The following MMEL1 variants were observed in gnomAD, a reference collection of about 807,000 sequenced individuals.
MMEL1 encodes the protein membrane metallo-endopeptidase-like 1.
A neutral mutation model predicts 117.1 loss-of-function variants in MMEL1; 98 were observed. That is an observed-to-expected ratio of 0.84 (90% confidence interval 0.71 to 0.99). The LOEUF is 0.99. Among genes scored for constraint, MMEL1 ranks in the 50% least tolerant of loss-of-function variants. The pLI, the probability that MMEL1 is intolerant of heterozygous loss-of-function variation, is 0.00. For synonymous variants in MMEL1, 390 were observed against 415.1 expected, an observed-to-expected ratio of 0.94 and a Z score of 0.74; for missense variants, 1,014 against 1,049.1, an observed-to-expected ratio of 0.97 and a Z score of 0.46.
chr1:2,620,990 T>TCA (rs1645281006), intron 2 of MMEL1, among the ~76,000 whole-genome samples: 1 of 152,120 alleles, frequency 6.6e-6, no homozygotes. Context: ...GCATTCACCT[T>TCA]AAAACAGAGA....
chr1:2,607,240 C>T (rs1325258078), intron 6 of MMEL1, among the ~76,000 whole-genome samples, 171 bp from the exon 7 acceptor site: 1 of 152,264 alleles, frequency 6.6e-6, no homozygotes, highest in Admixed American at 6.5e-5. Flanking sequence ...CCTCCCGTCA[C>T]AGGTCAGCAT....
intron 11 of MMEL1, 122 bp downstream of exon 11, chr1:2,603,762 C>T (rs140888497): frequency 3.0e-5 from 25 of 841,856 alleles, no homozygotes; most frequent in African/African-American, 1.7e-4. Flanking sequence ...TCTCCCTGCT[C>T]GGGGATGGGG....
chr1:2,598,206 C>A lies in MMEL1; in HGVS notation c.1272+1G>T. On this transcript the variant is annotated splice_donor_variant, in intron 13 of 23. Transcript: ENST00000378412. LOFTEE classifies it high-confidence loss of function. ...AGGCTCTGGGCAGGGAAGGGGCTCA[C>A]CTTGCGGTAGTTCACTCGTGTGTCC... The A allele has an allele frequency of 1.2e-6, 2 of 1,613,842 alleles. No homozygotes were observed. The highest frequency in any genetic ancestry group is 1.7e-6 in the Non-Finnish European group (2 of 1,179,838).
chr1:2,590,690 A>G lies in MMEL1; in HGVS notation c.*300T>C. 2.8e-6 allele frequency: 1 copy of G among 358,998 alleles called. No individual in the cohort carries two copies. Among genetic ancestry groups the G allele is most frequent in the Non-Finnish European group, 5.0e-6 (1 of 200,386 alleles). 22.2% of individuals were successfully genotyped at this position (358,998 alleles called of 1,614,324 possible). ...AGTCTGAAGCTGTAGATACTGGAAGACAATGCACCTTGGAGGGTGGGCAGG... is the reference window on the plus strand; with the variant it reads ...AGTCTGAAGCTGTAGATACTGGAAGGCAATGCACCTTGGAGGGTGGGCAGG... On this transcript the variant is annotated 3_prime_UTR_variant, in exon 24 of 24. Coordinates refer to ENST00000378412, the MANE Select transcript of MMEL1 (RefSeq NM_033467.4).
In MMEL1 at chr1:2,596,663, C is replaced by G; in HGVS notation, c.1299G>C (p.Glu433Asp). 6.2e-7 allele frequency: 1 copy of G among 1,612,998 alleles called. No homozygotes were observed. Among genetic ancestry groups the G allele is most frequent in the Non-Finnish European group, 8.5e-7 (1 of 1,179,804 alleles). Residue 433 changes from glutamate to aspartate, a missense_variant, in exon 14 of 24, where the codon GAG (glutamate) becomes GAC (aspartate). Transcript: ENST00000378412. ...RKALFGTMVEEVRWRECVGYV... is the reference protein window; with the variant it reads ...RKALFGTMVEDVRWRECVGYV... Reference sequence around the variant, plus strand: ...AGCCCACACATTCACGCCAGCGCACCTCCTCCACCATTGTGCCAAACAGCG... The same window carrying G: ...AGCCCACACATTCACGCCAGCGCACGTCCTCCACCATTGTGCCAAACAGCG...
At chr1:2,600,021 G>A (rs979449560) in intron 11 of MMEL1, among the ~76,000 whole-genome samples, 3 of 152,108 alleles carry the variant, frequency 2.0e-5, no homozygotes, top group African/African-American at 4.8e-5. Flanking sequence ...AGGTTCAAGT[G>A]CAGCAGTGCA....
intron 2 of MMEL1, 42 bp downstream of exon 2, chr1:2,629,276 GGCGAGCGCGGAGA>G: frequency 6.7e-7 from 1 of 1,491,194 alleles, no homozygotes; most frequent in Non-Finnish European, 8.9e-7. Context: ...GGTGCAGCGG[GGCGAGCGCGGAGA>G]GCGGGCACGG....
chr1:2,610,533 G>C (rs182613562), intron 4 of MMEL1, among the ~76,000 whole-genome samples: 159 of 152,346 alleles, frequency 1.0e-3, no homozygotes, highest in African/African-American at 3.7e-3. Flanking sequence ...GGGCCTTTCT[G>C]TTCTGACTCT....
rs760384107 is a variant in MMEL1, at chr1:2,612,083, G to A, written c.232+44C>T. The A allele has an allele frequency of 7.9e-6, 12 of 1,510,146 alleles. No homozygotes were observed. The highest frequency in any genetic ancestry group is 1.7e-4 in the Middle Eastern group (1 of 5,892). 93.5% of individuals were successfully genotyped at this position (1,510,146 alleles called of 1,614,324 possible). Reference sequence around the variant, plus strand: ...AGTCCCCCCACCTTGGGAGGCCAGCGCCCACCTGCCTGGGGCTGTTTTGGA... The same window carrying A: ...AGTCCCCCCACCTTGGGAGGCCAGCACCCACCTGCCTGGGGCTGTTTTGGA... On this transcript the variant is annotated intron_variant, in intron 3 of 23. Transcript: ENST00000378412. This position sits in a 1 kb window ranked among gnomAD's most constrained non-coding sequence, Gnocchi z 5.4.
chr1:2,610,485 T>G (rs1645107605), intron 4 of MMEL1, among the ~76,000 whole-genome samples: 1 of 152,206 alleles, frequency 6.6e-6, no homozygotes, highest in African/African-American at 2.4e-5. Context: ...CTGGTGACCA[T>G]GCCCTGTAAG....
At chr1:2,593,690 G>C in intron 19 of MMEL1, 124 bp downstream of exon 19, 1 of 1,341,142 alleles carries the variant, frequency 7.5e-7, no homozygotes. Context: ...AGCTCCCTGA[G>C]GACCTGGCCT....
At chr1:2,616,167 T>A (rs981044077) in intron 2 of MMEL1, among the ~76,000 whole-genome samples, 1 of 151,880 alleles carries the variant, frequency 6.6e-6, no homozygotes, top group African/African-American at 2.4e-5. Context: ...AAACCTTACC[T>A]CTATAAAAAA....
chr1:2,610,878 C>A (rs1039355664), intron 4 of MMEL1, among the ~76,000 whole-genome samples: 1 of 152,230 alleles, frequency 6.6e-6, no homozygotes, highest in African/African-American at 2.4e-5. Context: ...CCACTATTGG[C>A]GCTTTCACAG....
At chr1:2,629,117 A>G (rs1638412711) in intron 2 of MMEL1, among the ~76,000 whole-genome samples, 1 of 151,994 alleles carries the variant, frequency 6.6e-6, no homozygotes, top group African/African-American at 2.4e-5. Flanking sequence ...AGCTTTCTGG[A>G]AGGGACCGCG....
rs117010478 is a variant in MMEL1, at chr1:2,603,763, G to A, written c.1041+121C>T. 2.3e-3 allele frequency: 1,972 copies of A among 843,224 alleles called. 13 individuals carry two copies. The highest frequency in any genetic ancestry group is 0.011 in the Admixed American group (470 of 42,028). 52.2% of individuals were successfully genotyped at this position (843,224 alleles called of 1,614,324 possible). The stretch of plus-strand genomic sequence containing the variant: ...GATCAGGTACAGGGTCTCCCTGCTC[G>A]GGGATGGGGAATGTTTCTGAGCTTA... On this transcript the variant is annotated intron_variant, in intron 11 of 23. Transcript: ENST00000378412.
chr1:2,620,220 C>T (rs929157458), intron 2 of MMEL1, among the ~76,000 whole-genome samples: 5 of 152,230 alleles, frequency 3.3e-5, no homozygotes, highest in East Asian at 1.9e-4. Context: ...GCTGACTGTA[C>T]TTTTCTCTGA....
intron 2 of MMEL1, among the ~76,000 whole-genome samples, chr1:2,628,956 T>C (rs1638402384): frequency 9.1e-6 from 1 of 109,988 alleles, no homozygotes; most frequent in African/African-American, 3.5e-5. Context: ...CAGCCGGGGC[T>C]GCGCGGCCAG....
At chr1:2,593,083 A>C in intron 19 of MMEL1, 117 bp from the exon 20 acceptor site, 1 of 1,343,082 alleles carries the variant, frequency 7.4e-7, no homozygotes, top group Non-Finnish European at 1.0e-6. Context: ...CAGTACGGAG[A>C]GCCCACAGTC....
chr1:2,593,847 C>T lies in MMEL1; in HGVS notation c.1834G>A (p.Gly612Arg), dbSNP rs368869210. ...TCAAAGCCGTGCGTGATCTCGTGCC[C>T]GATCACCATCCCAATGCCTCCAAAG... ...LNFGGIGMVI[G>R]HEITHGFDDN... The change falls in exon 19 of 24, where the codon GGG (glycine) becomes AGG (arginine). Residue 612 changes from glycine (G) to arginine (R), a missense_variant. Physicochemically the swap from Gly to Arg is moderately radical, Grantham distance 125 (BLOSUM62 -2). Coordinates refer to ENST00000378412, the MANE Select transcript of MMEL1 (RefSeq NM_033467.4). 2.6e-5 allele frequency: 42 copies of T among 1,612,172 alleles called. No homozygotes were observed. Among genetic ancestry groups the T allele is most frequent in the Non-Finnish European group, 3.3e-5 (39 of 1,179,044 alleles).
Sources: gnomAD v4.1 joint callset for allele counts (sites outside exome capture counted in the v4.1 genomes callset) on GRCh38, gnomAD v4.1.1 for gene constraint, Gnocchi (gnomAD v3.1) non-coding constraint, MANE v1.5 for transcripts, NCBI Gene and HGNC (gene_info 2026-07-23, HGNC 2026-07-21) for gene names.